The following SLC38A1 variants were observed in gnomAD, a reference collection of about 807,000 sequenced individuals.
SLC38A1 encodes the protein solute carrier family 38 member 1, also known as sodium-coupled neutral amino acid symporter 1.
A neutral mutation model predicts 60.3 loss-of-function variants in SLC38A1; 18 were observed. The observed-to-expected ratio is 0.30, with a 90% confidence interval of 0.21 to 0.44. The LOEUF is 0.44. SLC38A1 is among the 20% of genes least tolerant of loss of function. SLC38A1 has a pLI of 1.00. For missense variants in SLC38A1, 448 were observed against 587.2 expected, an observed-to-expected ratio of 0.76 and a Z score of 2.45; for synonymous variants, 196 against 212.1, an observed-to-expected ratio of 0.92 and a Z score of 0.66.
chr12:46,266,862 C>A (rs1215996081), intron 1 of SLC38A1, among the ~76,000 whole-genome samples: 2 of 152,150 alleles, frequency 1.3e-5, no homozygotes, highest in Admixed American at 6.5e-5. Flanking sequence ...ACTGAGAAAT[C>A]GAGTGACTCT....
At chr12:46,250,938 A>G (rs545842063) in intron 1 of SLC38A1, among the ~76,000 whole-genome samples, 16 of 152,364 alleles carry the variant, frequency 1.1e-4, no homozygotes, top group Admixed American at 3.9e-4. Context: ...TATAGATTCA[A>G]TGCCATCCTC....
intron 1 of SLC38A1, among the ~76,000 whole-genome samples, chr12:46,260,646 C>T (rs1942167837): frequency 6.6e-6 from 1 of 152,172 alleles, no homozygotes; most frequent in Non-Finnish European, 1.5e-5. Context: ...CATCACCTGA[C>T]CTCACATGCC....
intron 1 of SLC38A1, among the ~76,000 whole-genome samples, chr12:46,249,020 G>T (rs895612753): frequency 6.6e-6 from 1 of 151,968 alleles, no homozygotes; most frequent in African/African-American, 2.4e-5. Flanking sequence ...ACCAGGTGCG[G>T]TGGCGGGTGC....
In SLC38A1 at chr12:46,184,212, G is replaced by C. The variant is rs1938861308; in HGVS notation, c.*4758C>G. On this transcript the variant is annotated 3_prime_UTR_variant, in exon 17 of 17. Transcript: ENST00000398637. ...CTTTGAGATTTAGTGATAGTTTTTA[G>C]TTGTTAGACACCCCACCTTCAGCTT... is the stretch of plus-strand genomic sequence containing the variant. 1 of 152,280 alleles carries C rather than the reference G, an allele frequency of 6.6e-6. No individual in the cohort carries two copies. The highest frequency in any genetic ancestry group is 1.5e-5 in the Non-Finnish European group (1 of 68,012). The allele number at this position is 152,280 out of a possible 1,614,324, so 9.4% of individuals were successfully genotyped here. A position where few individuals can be genotyped will look rare whatever the true frequency, so the allele number is the denominator to read the frequency against.
chr12:46,183,180 T>C lies in SLC38A1; in HGVS notation c.*5790A>G, dbSNP rs924000737. ...TCTGAAAAAAAAAACCCAGTTCTAT[T>C]TGATTAACTATGAATAGCAAAGTTT... On this transcript the variant is annotated 3_prime_UTR_variant, in exon 17 of 17. Coordinates refer to ENST00000398637, the MANE Select transcript of SLC38A1 (RefSeq NM_030674.4). The C allele has an allele frequency of 2.0e-5, 3 of 152,480 alleles. No individual in the cohort carries two copies. The highest frequency in any genetic ancestry group is 3.8e-4 in the East Asian group (2 of 5,198). The allele number at this position is 152,480 out of a possible 1,614,324, so 9.4% of individuals were successfully genotyped here.
chr12:46,185,557 T>C lies in SLC38A1; in HGVS notation c.*3413A>G, dbSNP rs1356196364. 5.3e-5 allele frequency: 8 copies of C among 151,944 alleles called. No homozygotes were observed. Among genetic ancestry groups the C allele is most frequent in the Admixed American group, 5.2e-4 (8 of 15,244 alleles). 9.4% of individuals were successfully genotyped at this position (151,944 alleles called of 1,614,324 possible). Reference sequence around the variant, plus strand: ...AACACAGTTACTAGCACTAAAAACATTAAAAGTGCTGCGCGCTGGCCTCAA... The same window carrying C: ...AACACAGTTACTAGCACTAAAAACACTAAAAGTGCTGCGCGCTGGCCTCAA... On this transcript the variant is annotated 3_prime_UTR_variant, in exon 17 of 17. Coordinates refer to ENST00000398637, the MANE Select transcript of SLC38A1 (RefSeq NM_030674.4).
chr12:46,247,320 C>A (rs2138530535), intron 1 of SLC38A1, among the ~76,000 whole-genome samples: 1 of 152,232 alleles, frequency 6.6e-6, no homozygotes, highest in East Asian at 1.9e-4. Flanking sequence ...CTAAAATAAA[C>A]AGTGTAGAGA....
At chr12:46,266,512 T>A (rs1243378016) in intron 1 of SLC38A1, among the ~76,000 whole-genome samples, 3 of 151,934 alleles carry the variant, frequency 2.0e-5, no homozygotes, top group Non-Finnish European at 4.4e-5. Flanking sequence ...AGCTGATCCC[T>A]TTTCATCATT....
intron 5 of SLC38A1, among the ~76,000 whole-genome samples, chr12:46,220,217 T>C (rs1010226888): frequency 6.6e-6 from 1 of 152,262 alleles, no homozygotes. Context: ...TAGAGTTCAA[T>C]GGCACTGCCA....
chr12:46,236,640 A>G (rs1202305543), intron 3 of SLC38A1, among the ~76,000 whole-genome samples: 7 of 152,170 alleles, frequency 4.6e-5, no homozygotes, highest in Non-Finnish European at 1.0e-4. Context: ...ACACTAGGAT[A>G]GGCAGTCCAC....
chr12:46,200,877 A>C (rs187236992), intron 13 of SLC38A1, among the ~76,000 whole-genome samples: 2 of 152,240 alleles, frequency 1.3e-5, no homozygotes, highest in Non-Finnish European at 2.9e-5. Flanking sequence ...GGACACTGTT[A>C]GGAGAAAAAA....
intron 5 of SLC38A1, among the ~76,000 whole-genome samples, chr12:46,227,166 G>T (rs1340435762): frequency 6.6e-6 from 1 of 152,082 alleles, no homozygotes. Context: ...TCAAAATTCT[G>T]AAGGAAAATT....
chr12:46,215,728 C>G (rs1197510778), intron 5 of SLC38A1, among the ~76,000 whole-genome samples: 1 of 152,180 alleles, frequency 6.6e-6, no homozygotes, highest in East Asian at 1.9e-4. Context: ...CCATGTTTCA[C>G]TCCTTCCAAA....
intron 3 of SLC38A1, among the ~76,000 whole-genome samples, chr12:46,238,069 C>A (rs1941319118): frequency 2.0e-5 from 3 of 151,770 alleles, no homozygotes; most frequent in Admixed American, 6.6e-5. Flanking sequence ...ACCTTAGTTT[C>A]CTTATTTGTA....
At chr12:46,235,342 A>C (rs1242701504) in intron 3 of SLC38A1, among the ~76,000 whole-genome samples, 1 of 152,222 alleles carries the variant, frequency 6.6e-6, no homozygotes, top group Non-Finnish European at 1.5e-5. Flanking sequence ...GAGTGGTTGA[A>C]CTTAAATGAC....
intron 16 of SLC38A1, among the ~76,000 whole-genome samples, chr12:46,189,716 G>A (rs1234360399): frequency 6.6e-6 from 1 of 152,048 alleles, no homozygotes; most frequent in African/African-American, 2.4e-5. Flanking sequence ...TGAATCCTGG[G>A]GGCGGGTCTT....
chr12:46,260,836 A>G (rs960225014), intron 1 of SLC38A1, among the ~76,000 whole-genome samples: 1 of 152,086 alleles, frequency 6.6e-6, no homozygotes, highest in African/African-American at 2.4e-5. Context: ...ACTTTGCCAC[A>G]GTCACTCTCC....
In SLC38A1 at chr12:46,187,352, T is replaced by C. The variant is rs954949476; in HGVS notation, c.*1618A>G. 2.6e-5 allele frequency: 4 copies of C among 152,214 alleles called. No homozygotes were observed. The highest frequency in any genetic ancestry group is 7.2e-5 in the African/African-American group (3 of 41,462). The allele number at this position is 152,214 out of a possible 1,614,324, so 9.4% of individuals were successfully genotyped here. On this transcript the variant is annotated 3_prime_UTR_variant, in exon 17 of 17. Coordinates refer to ENST00000398637, the MANE Select transcript of SLC38A1 (RefSeq NM_030674.4). ...AAGAAATCTGTGCTCAGTGAACTTA[T>C]GTGTTTGGAAAATTTAACCAGAATA...
intron 5 of SLC38A1, among the ~76,000 whole-genome samples, chr12:46,220,581 T>C (rs1231215954): frequency 6.6e-6 from 1 of 152,228 alleles, no homozygotes; most frequent in Non-Finnish European, 1.5e-5. Context: ...CACTTAGGAA[T>C]GCACAGAGGA....
Sources: allele counts gnomAD v4.1 joint callset (sites outside exome capture counted in the v4.1 genomes callset), GRCh38; gene constraint gnomAD v4.1.1; transcripts MANE v1.5; gene names NCBI Gene and HGNC (gene_info 2026-07-23, HGNC 2026-07-21).